Variants in GRAMD2B observed in about 807,000 individuals in gnomAD.
The protein encoded by GRAMD2B is GRAM domain containing 2B.
In GRAMD2B, 41 loss-of-function variants were observed where a neutral mutation model predicts 59.2. That is an observed-to-expected ratio of 0.69 (90% CI 0.54 to 0.90). The LOEUF (loss-of-function observed/expected upper bound fraction) is 0.90. GRAMD2B is among the 40% of genes least tolerant of loss of function. The pLI is 0.00. For missense variants in GRAMD2B, 424 were observed against 500.5 expected, an observed-to-expected ratio of 0.85 and a Z score of 1.46; for synonymous variants, 161 against 182.7, an observed-to-expected ratio of 0.88 and a Z score of 0.96.
At position 126,483,104 on chromosome 5, in the gene GRAMD2B, A is replaced by AT. The variant is rs547395721; in HGVS notation, c.736-352dup. Among the ~76,000 whole-genome samples the AT allele has an allele frequency of 2.1e-3, 320 of 152,102 alleles. 2 individuals are homozygous for AT. Among genetic ancestry groups the AT allele is most frequent in the African/African-American group, 7.0e-3 (289 of 41,468 alleles). The stretch of plus-strand genomic sequence containing the variant: ...TTTGAACTTGGATTTAAAGCTTTCT[A>AT]TTTTTTTCTCTTATATATGTCTGTA... On this transcript the variant is annotated intron_variant, in intron 8 of 13. Transcript: ENST00000285689.
At chr5:126,452,265 G>A (rs1417720884) in intron 1 of GRAMD2B, among the ~76,000 whole-genome samples, 1 of 152,170 alleles carries the variant, frequency 6.6e-6, no homozygotes, top group African/African-American at 2.4e-5. Context: ...CTCATGTGGT[G>A]GAAGGGACTA....
In GRAMD2B at chr5:126,423,547, A is replaced by G. The variant is rs1483978953; in HGVS notation, c.-60A>G. 6.3e-6 allele frequency: 10 copies of G among 1,576,928 alleles called. No individual in the cohort carries two copies. Among genetic ancestry groups the G allele is most frequent in the Non-Finnish European group, 7.7e-6 (9 of 1,163,002 alleles). On this transcript the variant is annotated 5_prime_UTR_variant, in exon 1 of 14. Transcript: ENST00000285689. ...TGCGCACCCGGACCTAGAAGCCGGG[A>G]CGAGCCGGGGCAGAGCCAGGCGCGC...
chr5:126,491,491 G>T (rs1259455492), intron 13 of GRAMD2B, among the ~76,000 whole-genome samples: 2 of 152,086 alleles, frequency 1.3e-5, no homozygotes, highest in African/African-American at 4.8e-5. Flanking sequence ...CAGCTCCCTG[G>T]CCCTTGGTTT....
intron 2 of GRAMD2B, chr5:126,467,526 C>G (rs576116272): frequency 1.4e-4 from 22 of 152,190 alleles, no homozygotes; most frequent in African/African-American, 4.8e-4. Context: ...CCACCCTACT[C>G]GTCATATTTG....
At chr5:126,405,874 GA>G (rs1296677309) in intron 1 of GRAMD2B, among the ~76,000 whole-genome samples, 1 of 151,850 alleles carries the variant, frequency 6.6e-6, no homozygotes, top group African/African-American at 2.4e-5. Flanking sequence ...TATGGCCTAG[GA>G]GGTTTTCAAT....
At chr5:126,487,345 T>G (rs1561614645) in intron 12 of GRAMD2B, among the ~76,000 whole-genome samples, 1 of 152,144 alleles carries the variant, frequency 6.6e-6, no homozygotes, top group East Asian at 1.9e-4. Context: ...TTCAAGAAAC[T>G]CAGCACATTT....
chr5:126,456,582 T>C (rs1167277531), intron 1 of GRAMD2B, among the ~76,000 whole-genome samples: 11 of 152,198 alleles, frequency 7.2e-5, no homozygotes, highest in Non-Finnish European at 1.5e-5. Context: ...TGTATCTTGC[T>C]CTTTTTGTTT....
At chr5:126,452,815 A>G (rs1445796435) in intron 1 of GRAMD2B, among the ~76,000 whole-genome samples, 2 of 152,020 alleles carry the variant, frequency 1.3e-5, no homozygotes, top group African/African-American at 4.8e-5. Context: ...GAGGTTCCAA[A>G]TTGGTTTCCT....
intron 1 of GRAMD2B, among the ~76,000 whole-genome samples, chr5:126,387,499 A>G (rs1260603602): frequency 6.6e-6 from 1 of 151,502 alleles, no homozygotes; most frequent in Admixed American, 6.6e-5. Flanking sequence ...CTCCATCTGT[A>G]TACTCAAAAT....
intron 1 of GRAMD2B, among the ~76,000 whole-genome samples, chr5:126,454,844 C>T (rs1765990422): frequency 6.6e-6 from 1 of 152,204 alleles, no homozygotes; most frequent in Non-Finnish European, 1.5e-5. Context: ...AACCCCTCCT[C>T]TGCAAAATCT....
At chr5:126,394,210 G>T (rs937138065) in intron 1 of GRAMD2B, among the ~76,000 whole-genome samples, 1 of 151,754 alleles carries the variant, frequency 6.6e-6, no homozygotes, top group Admixed American at 6.6e-5. Flanking sequence ...GGGAGGCAGA[G>T]CTTGCAGTGA....
chr5:126,396,663 G>A (rs1216676016), intron 1 of GRAMD2B, among the ~76,000 whole-genome samples: 3 of 152,132 alleles, frequency 2.0e-5, no homozygotes, highest in Non-Finnish European at 4.4e-5. Flanking sequence ...CTTTGTAATA[G>A]AATAATTTAT....
At chr5:126,411,533 A>T (rs561421172) in intron 1 of GRAMD2B, among the ~76,000 whole-genome samples, 1 of 152,030 alleles carries the variant, frequency 6.6e-6, no homozygotes, top group African/African-American at 2.4e-5. Flanking sequence ...AAATTAGGTG[A>T]TTTGATGTCT....
At chr5:126,491,070 AT>A (rs1773840575) in intron 13 of GRAMD2B, among the ~76,000 whole-genome samples, 1 of 151,964 alleles carries the variant, frequency 6.6e-6, no homozygotes, top group African/African-American at 2.4e-5. Context: ...TATTTTCCTA[AT>A]TATTACTGAG....
chr5:126,477,847 C>A (rs1394604335), intron 6 of GRAMD2B, 60 bp downstream of exon 6: 8 of 960,814 alleles, frequency 8.3e-6, no homozygotes, highest in Non-Finnish European at 1.0e-5. Context: ...GGCTCTGCTG[C>A]CTAAGGGGTC....
chr5:126,393,144 C>G (rs1756992180), intron 1 of GRAMD2B, among the ~76,000 whole-genome samples: 1 of 152,128 alleles, frequency 6.6e-6, no homozygotes, highest in Non-Finnish European at 1.5e-5. Context: ...TCCTCTGTTT[C>G]CCTTCCCTGC....
At chr5:126,438,814 G>T (rs576595521) in intron 1 of GRAMD2B, among the ~76,000 whole-genome samples, 5 of 152,206 alleles carry the variant, frequency 3.3e-5, no homozygotes, top group African/African-American at 1.2e-4. Flanking sequence ...TCACATATAT[G>T]GCCTGAGCTG....
intron 8 of GRAMD2B, among the ~76,000 whole-genome samples, chr5:126,481,492 T>G (rs974502909): frequency 1.3e-5 from 2 of 152,206 alleles, no homozygotes; most frequent in Admixed American, 1.3e-4. Context: ...ACAAATCTTT[T>G]TTTTGAGAAC....
intron 1 of GRAMD2B, among the ~76,000 whole-genome samples, chr5:126,462,100 C>T (rs953344557): frequency 1.2e-4 from 18 of 152,158 alleles, no homozygotes; most frequent in Admixed American, 8.5e-4. Context: ...GGGACAAGTC[C>T]AGTAAATATT....
Sources: allele counts gnomAD v4.1 joint callset (sites outside exome capture counted in the v4.1 genomes callset), GRCh38; gene constraint gnomAD v4.1.1; transcripts MANE v1.5; gene names NCBI Gene and HGNC (gene_info 2026-07-23, HGNC 2026-07-21).